The following NRXN3 variants were observed in gnomAD, a reference collection of about 807,000 sequenced individuals.
NRXN3 encodes neurexin III.
In NRXN3, 32 loss-of-function variants were observed where a neutral mutation model predicts 137.6. The ratio of observed to expected loss-of-function variants is 0.23; its 90% confidence interval spans 0.18 to 0.31. The LOEUF is 0.31. NRXN3 is among the 10% of genes least tolerant of loss of function. The pLI is 1.00. For synonymous variants in NRXN3, 798 were observed against 784.5 expected (o/e 1.02, Z -0.29); for missense variants, 1,574 against 2,062.5 (o/e 0.76, Z 4.59).
intron 1 of NRXN3, among the ~76,000 whole-genome samples, chr14:78,230,323 T>C (rs1467993152): frequency 1.3e-5 from 2 of 148,828 alleles, no homozygotes; most frequent in Admixed American, 1.3e-4. Context: ...TCTCTGTCTC[T>C]GTCTGTCTCT....
At chr14:79,508,008 C>T (rs2096894265) in intron 16 of NRXN3, among the ~76,000 whole-genome samples, 1 of 152,066 alleles carries the variant, frequency 6.6e-6, no homozygotes, top group Admixed American at 6.6e-5. Context: ...AATACTTTGT[C>T]ATCAGTGTGT....
At chr14:79,086,744 A>C (rs1165622927) in intron 15 of NRXN3, among the ~76,000 whole-genome samples, 1 of 152,174 alleles carries the variant, frequency 6.6e-6, no homozygotes, top group Non-Finnish European at 1.5e-5. Context: ...CTAATATTTA[A>C]TTATAAAATT....
At chr14:79,617,930 A>AAAAAAAAAAAAAAAAAG (rs1385000688) in intron 16 of NRXN3, among the ~76,000 whole-genome samples, 4 of 148,824 alleles carry the variant, frequency 2.7e-5, no homozygotes, top group African/African-American at 1.0e-4. Flanking sequence ...AAAAAAAAAA[A>AAAAAAAAAAAAAAAAAG]AACATGCTTA....
chr14:78,802,001 A>G (rs377666585), intron 8 of NRXN3, among the ~76,000 whole-genome samples: 2 of 152,300 alleles, frequency 1.3e-5, no homozygotes, highest in East Asian at 3.9e-4. Flanking sequence ...TGTATTCTCC[A>G]TAGTGCATGT....
At chr14:79,106,102 C>T (rs966633652) in intron 15 of NRXN3, among the ~76,000 whole-genome samples, 3 of 152,034 alleles carry the variant, frequency 2.0e-5, no homozygotes, top group Non-Finnish European at 4.4e-5. Flanking sequence ...TAATCTCTCC[C>T]TATTCTGTCT....
intron 16 of NRXN3, among the ~76,000 whole-genome samples, chr14:79,610,358 C>T (rs1031639005): frequency 6.6e-6 from 1 of 152,058 alleles, no homozygotes; most frequent in African/African-American, 2.4e-5. Context: ...ATGTGAAATT[C>T]CTCATATGGT....
intron 15 of NRXN3, among the ~76,000 whole-genome samples, chr14:79,075,148 C>T (rs1270494462): frequency 6.6e-6 from 1 of 152,124 alleles, no homozygotes; most frequent in African/African-American, 2.4e-5. Flanking sequence ...GCCGTGTAAT[C>T]TTTATGCATT....
intron 15 of NRXN3, chr14:79,074,575 T>C (rs578012850): frequency 6.6e-6 from 1 of 152,342 alleles, no homozygotes; most frequent in Admixed American, 6.5e-5. Context: ...ATTTGGCTAC[T>C]TCTTGTTATG....
chr14:78,990,573 A>G (rs942986962), intron 15 of NRXN3, among the ~76,000 whole-genome samples: 3 of 151,794 alleles, frequency 2.0e-5, no homozygotes, highest in Non-Finnish European at 4.4e-5. Context: ...GGGTTTCATC[A>G]TGTTGGCCAG....
At chr14:79,846,706 TG>T (rs1568439137) in intron 20 of NRXN3, among the ~76,000 whole-genome samples, 2 of 152,352 alleles carry the variant, frequency 1.3e-5, no homozygotes, top group South Asian at 4.1e-4. Context: ...CGCAGATTTT[TG>T]TTGACTCAAT....
At chr14:79,310,010 G>A (rs1253250772) in intron 15 of NRXN3, among the ~76,000 whole-genome samples, 1 of 129,084 alleles carries the variant, frequency 7.7e-6, no homozygotes, top group Admixed American at 7.6e-5. Flanking sequence ...CCTTGCCCAC[G>A]CCTATGTCCT....
At chr14:79,700,852 G>T (rs1468990328) in intron 19 of NRXN3, among the ~76,000 whole-genome samples, 3 of 151,990 alleles carry the variant, frequency 2.0e-5, no homozygotes, top group African/African-American at 4.8e-5. Context: ...TAGCAATCAT[G>T]CCCAAGCATC....
intron 16 of NRXN3, among the ~76,000 whole-genome samples, chr14:79,468,629 G>A (rs557387214): frequency 2.6e-5 from 4 of 152,336 alleles, no homozygotes; most frequent in Admixed American, 6.5e-5. Context: ...TCTGGAGTTG[G>A]AGATGGCTGG....
intron 8 of NRXN3, among the ~76,000 whole-genome samples, chr14:78,752,983 G>A (rs1260476961): frequency 6.6e-6 from 1 of 152,112 alleles, no homozygotes; most frequent in Admixed American, 6.5e-5. Flanking sequence ...GCAGGCTGAG[G>A]GTGTGGTGTA....
chr14:78,952,204 G>A (rs1026806028), intron 10 of NRXN3, among the ~76,000 whole-genome samples: 4 of 151,516 alleles, frequency 2.6e-5, no homozygotes, highest in Non-Finnish European at 4.4e-5. Context: ...TCTGCCAAAC[G>A]GGCTCTAAAA....
chr14:78,658,753 G>T (rs1404218968), intron 6 of NRXN3, among the ~76,000 whole-genome samples: 1 of 152,178 alleles, frequency 6.6e-6, no homozygotes, highest in Non-Finnish European at 1.5e-5. Context: ...TAAACATCTT[G>T]CTGTACATCT....
chr14:78,758,283 A>T (rs2098677835), intron 8 of NRXN3, among the ~76,000 whole-genome samples: 1 of 152,170 alleles, frequency 6.6e-6, no homozygotes. Flanking sequence ...GACTACTCTA[A>T]TAGCGAATTT....
At chr14:78,401,314 G>T (rs903218254) in intron 4 of NRXN3, among the ~76,000 whole-genome samples, 2 of 152,120 alleles carry the variant, frequency 1.3e-5, no homozygotes, top group African/African-American at 2.4e-5. Context: ...ACAGGCACCC[G>T]CCACCATGCC....
At chr14:78,476,805 C>T (rs921110111) in intron 4 of NRXN3, among the ~76,000 whole-genome samples, 5 of 152,176 alleles carry the variant, frequency 3.3e-5, no homozygotes, top group African/African-American at 1.2e-4. Context: ...ATATGCCAGT[C>T]ATTAAGCGTG....
Sources: allele counts gnomAD v4.1 joint callset (sites outside exome capture counted in the v4.1 genomes callset), GRCh38; gene constraint gnomAD v4.1.1; transcripts MANE v1.5; gene names NCBI Gene and HGNC (gene_info 2026-07-23, HGNC 2026-07-21).